Variants in ZNF787 observed in about 807,000 individuals in gnomAD.
The protein encoded by ZNF787 is TTF-I-interacting peptide 20.
A neutral mutation model predicts 16.9 loss-of-function variants in ZNF787; 7 were observed. The ratio of observed to expected loss-of-function variants is 0.42; its 90% CI spans 0.24 to 0.78. ZNF787 has a LOEUF of 0.78. ZNF787 is among the 30% of genes least tolerant of loss of function. The pLI is 0.30. For missense variants in ZNF787, 551 were observed against 589.3 expected, an observed-to-expected ratio of 0.94 and a Z score of 0.67; for synonymous variants, 345 against 270.9, an observed-to-expected ratio of 1.27 and a Z score of -2.69.
At chr19:56,105,418 CCGGCCTGAGTG>C (rs1986264682) in intron 1 of ZNF787, 1 of 152,342 alleles carries the variant, frequency 6.6e-6, no homozygotes, top group Non-Finnish European at 1.5e-5. Context: ...AAACGTCCTG[CCGGCCTGAGTG>C]CAGCGGTGTT....
At chr19:56,108,060 C>G (rs963020034) in intron 1 of ZNF787, among the ~76,000 whole-genome samples, 3 of 152,176 alleles carry the variant, frequency 2.0e-5, no homozygotes, top group Middle Eastern at 3.4e-3. Context: ...CCTCGGGTCC[C>G]CTGCAACACG....
intron 1 of ZNF787, among the ~76,000 whole-genome samples, chr19:56,119,867 G>C (rs1192723951): frequency 6.6e-6 from 1 of 152,252 alleles, no homozygotes; most frequent in Admixed American, 6.5e-5. Context: ...ACGGTCTTCA[G>C]AGGAGCTAAG....
intron 2 of ZNF787, among the ~76,000 whole-genome samples, chr19:56,090,491 G>A (rs1046909284): frequency 2.0e-5 from 3 of 151,808 alleles, no homozygotes; most frequent in South Asian, 2.1e-4. Context: ...GGGATCCTGC[G>A]ACCAGTAGCA....
chr19:56,105,711 C>T (rs1986276342), intron 1 of ZNF787, among the ~76,000 whole-genome samples: 1 of 152,170 alleles, frequency 6.6e-6, no homozygotes, highest in African/African-American at 2.4e-5. Flanking sequence ...AGGGCCCACA[C>T]TTCTTTATTA....
At chr19:56,096,329 G>GGACA (rs1363648802) in intron 2 of ZNF787, among the ~76,000 whole-genome samples, 26 of 152,288 alleles carry the variant, frequency 1.7e-4, no homozygotes, top group African/African-American at 5.8e-4. Flanking sequence ...TGAGGTGGAA[G>GGACA]GACAGCTTGA....
chr19:56,088,587 A>G lies in ZNF787; in HGVS notation c.585T>C (p.Arg195=), dbSNP rs1332268378. The G allele has an allele frequency of 4.0e-6, 6 of 1,511,318 alleles. No individual in the cohort carries two copies. Among genetic ancestry groups the G allele is most frequent in the Non-Finnish European group, 5.3e-6 (6 of 1,137,184 alleles). The allele number at this position is 1,511,318 out of a possible 1,614,324, so 93.6% of individuals were successfully genotyped here. A position where few individuals can be genotyped will look rare whatever the true frequency, so the allele number is the denominator to read the frequency against. ...ACAGCTCCGGGTGCAGCCGCAGGTGACGCGCGAGGCTCTTGGGCTGGCTGA... is the reference window on the plus strand; with the variant it reads ...ACAGCTCCGGGTGCAGCCGCAGGTGGCGCGCGAGGCTCTTGGGCTGGCTGA... ...RGFSQPKSLA[R]HLRLHPELSG... Residue 195 remains arginine (R), a synonymous_variant, in exon 3 of 3, where the codon CGT becomes CGC. Coordinates refer to ENST00000610935, the MANE Select transcript of ZNF787 (RefSeq NM_001002836.4). This position sits in a 1 kb window ranked among gnomAD's most constrained non-coding sequence, Gnocchi z 8.6.
intron 1 of ZNF787, among the ~76,000 whole-genome samples, chr19:56,107,762 G>A (rs913694856): frequency 6.6e-6 from 1 of 151,964 alleles, no homozygotes; most frequent in African/African-American, 2.4e-5. Context: ...CACCACAGGA[G>A]CATTCCCTGG....
chr19:56,098,427 AGGTAATACGGCCGCAG>A lies in ZNF787; in HGVS notation c.79+4696_79+4711del, dbSNP rs1222590818. On this transcript the variant is annotated intron_variant, in intron 2 of 2. Transcript: ENST00000610935. ...CCCATGCTGCAGGGTGATGCCACCC[AGGTAATACGGCCGCAG>A]GGTGATACGGCCGCAGGGTGATTAC... Among the ~76,000 whole-genome samples, 7 of 151,582 alleles carry A rather than the reference AGGTAATACGGCCGCAG, an allele frequency of 4.6e-5. No homozygotes were observed. The East Asian group carries it at 5.9e-4, about 13-fold the overall frequency.
rs761339887 is a variant in ZNF787 at position 56,089,016 on chromosome 19, G to T, written c.156C>A (p.Pro52=). 3 of 1,488,928 alleles carry T rather than the reference G, an allele frequency of 2.0e-6. No individual in the cohort carries two copies. The highest frequency in any genetic ancestry group is 2.7e-6 in the Non-Finnish European group (3 of 1,122,882). 92.2% of individuals were successfully genotyped at this position (1,488,928 alleles called of 1,614,324 possible). The change falls in exon 3 of 3, where the codon CCC becomes CCA. Residue 52 remains proline, a synonymous_variant. Transcript: ENST00000610935. The part of the protein sequence containing the change: ...PTKLSPPQSA[P]PAGPPPRPRP... ...GCGGCCGGGGAGGCGGGCCGGCTGG[G>T]GGCGCAGACTGGGGCGGGGACAGCT...
At chr19:56,103,024 C>A in intron 2 of ZNF787, 115 bp downstream of exon 2, 1 of 1,213,956 alleles carries the variant, frequency 8.2e-7, no homozygotes, top group Non-Finnish European at 1.2e-6. Flanking sequence ...CGGGTGGTCC[C>A]AGGGCCCCAA....
In ZNF787 at chr19:56,096,257, A is replaced by T. The variant is rs562919955; in HGVS notation, c.79+6882T>A. Among the ~76,000 whole-genome samples, 107 of 104,406 alleles carry T rather than the reference A, an allele frequency of 1.0e-3. 3 individuals are homozygous for T. The highest frequency in any genetic ancestry group is 3.6e-3 in the African/African-American group (91 of 25,076). 68.5% of individuals were successfully genotyped at this position (104,406 alleles called of 152,430 possible). On this transcript the variant is annotated intron_variant, in intron 2 of 2. Coordinates refer to ENST00000610935, the MANE Select transcript of ZNF787 (RefSeq NM_001002836.4). ...AAAATAAAAAAAATAAAAAAATAAA[A>T]AAAATAAAAAAACTAGCTGGGTGTG...
chr19:56,112,804 G>C lies in ZNF787; in HGVS notation c.-11+8368C>G, dbSNP rs552790272. ...TCAGCCTGACTCCACAACCTCTTTG[G>C]AGCCACCATGCACCCCATGTGGCCC... On this transcript the variant is annotated intron_variant, in intron 1 of 2. Transcript: ENST00000610935. Among the ~76,000 whole-genome samples, 7 of 151,892 alleles carry C rather than the reference G, an allele frequency of 4.6e-5. No individual in the cohort carries two copies. The South Asian group carries it at 1.5e-3, about 32-fold the overall frequency.
At chr19:56,093,316 G>C (rs563879491) in intron 2 of ZNF787, among the ~76,000 whole-genome samples, 1 of 152,054 alleles carries the variant, frequency 6.6e-6, no homozygotes, top group Non-Finnish European at 1.5e-5. Context: ...AGGGGATGGC[G>C]GAAGTGGAAT....
In ZNF787 at chr19:56,120,430, C is replaced by T. The variant is rs144122790; in HGVS notation, c.-11+742G>A. 9.6e-3 allele frequency among the ~76,000 whole-genome samples: 1,456 copies of T among 152,318 alleles called. 21 individuals are homozygous for T. Among genetic ancestry groups the T allele is most frequent in the African/African-American group, 0.033 (1,361 of 41,576 alleles). On this transcript the variant is annotated intron_variant, in intron 1 of 2. Transcript: ENST00000610935. ...CCACCCGATCCAGTCCCCGCCTTCG[C>T]CCTGCCCCGTGGGCCACGCGGTGGC...
Position 56,087,933 on chromosome 19 carries a change from T to G in ZNF787, c.*90A>C, listed in dbSNP as rs1036053337. Reference sequence around the variant, plus strand: ...ATGCCGCGGGGTCCATCGCACCCCGTCCGCTTCTCCCTGGGTCTCTTGGTC... The same window carrying G: ...ATGCCGCGGGGTCCATCGCACCCCGGCCGCTTCTCCCTGGGTCTCTTGGTC... On this transcript the variant is annotated 3_prime_UTR_variant, in exon 3 of 3. Coordinates refer to ENST00000610935, the MANE Select transcript of ZNF787 (RefSeq NM_001002836.4). 48 of 1,286,954 alleles carry G rather than the reference T, an allele frequency of 3.7e-5. No individual in the cohort carries two copies. The highest frequency in any genetic ancestry group is 4.7e-5 in the Non-Finnish European group (48 of 1,018,200). The allele number at this position is 1,286,954 out of a possible 1,614,324, so 79.7% of individuals were successfully genotyped here.
rs563059119 is a variant in ZNF787, at chr19:56,118,050, C to T, written c.-11+3122G>A. ...GAAAAACAGCCTCAAGTTGCCAGGT[C>T]CCTTGCAGGAACAGACAGGCCTGGG... On this transcript the variant is annotated intron_variant, in intron 1 of 2. Transcript: ENST00000610935. Among the ~76,000 whole-genome samples, 6 of 152,354 alleles carry T rather than the reference C, an allele frequency of 3.9e-5. No homozygotes were observed. The South Asian group carries it at 1.2e-3, about 32-fold the overall frequency.
At chr19:56,092,647 G>A (rs1275216153) in intron 2 of ZNF787, among the ~76,000 whole-genome samples, 1 of 151,802 alleles carries the variant, frequency 6.6e-6, no homozygotes, top group Non-Finnish European at 1.5e-5. Flanking sequence ...TCAGCCCCAC[G>A]GAGAATCCTG....
intron 1 of ZNF787, among the ~76,000 whole-genome samples, chr19:56,116,013 T>G (rs1009774752): frequency 6.6e-6 from 1 of 152,090 alleles, no homozygotes; most frequent in Non-Finnish European, 1.5e-5. Flanking sequence ...GGTTCATACA[T>G]TGTCACAAAA....
In ZNF787 at chr19:56,088,546, G is replaced by T; in HGVS notation, c.626C>A (p.Ala209Glu). ...LHPELSGPGV[A>E]AKVLAASVRR... ...GACGCTAGCCGCCAGCACCTTGGCC[G>T]CCACGCCAGGCCCCGACAGCTCCGG... The change falls in exon 3 of 3, where the codon GCG (alanine) becomes GAG (glutamate). Residue 209 changes from alanine (A) to glutamate (E), a missense_variant. By Grantham distance (107) the Ala-to-Glu change is moderately radical. This residue lies in a region of ZNF787 where 392 missense variants were observed against 312.7 expected (regional missense o/e 1.25). Coordinates refer to ENST00000610935, the MANE Select transcript of ZNF787 (RefSeq NM_001002836.4). This position sits in a 1 kb window ranked among gnomAD's most constrained non-coding sequence, Gnocchi z 8.6. 2 of 1,460,928 alleles carry T rather than the reference G, an allele frequency of 1.4e-6. No individual in the cohort carries two copies. The highest frequency in any genetic ancestry group is 1.8e-6 in the Non-Finnish European group (2 of 1,116,088). 90.5% of individuals were successfully genotyped at this position (1,460,928 alleles called of 1,614,324 possible).
Sources: gnomAD v4.1 joint callset for allele counts (sites outside exome capture counted in the v4.1 genomes callset) on GRCh38, gnomAD v4.1.1 for gene constraint, gnomAD v4.1.1 regional missense constraint, Gnocchi (gnomAD v3.1) non-coding constraint, MANE v1.5 for transcripts, NCBI Gene and HGNC (gene_info 2026-07-23, HGNC 2026-07-21) for gene names.